Variants in PGCKA1 observed in about 807,000 individuals in gnomAD.
The protein encoded by PGCKA1 is PDCD10 and GCKIII kinases associated 1.
At chr4:37,590,009 C>A in the PGCKA1 span, 10 of 973,266 alleles carry the variant, frequency 1.0e-5, no homozygotes, top group Non-Finnish European at 1.6e-5. Context: ...TAGCAGGAAT[C>A]GTAGAAAGAA....
chr4:37,513,089 CAAAA>C, the PGCKA1 span, among the ~76,000 whole-genome samples: 1 of 71,790 alleles, frequency 1.4e-5, no homozygotes, highest in African/African-American at 6.0e-5. Flanking sequence ...AATGCCATCT[CAAAA>C]AAAAAAAAGA....
the PGCKA1 span, among the ~76,000 whole-genome samples, chr4:37,571,518 G>A: frequency 3.7e-3 from 557 of 150,088 alleles, 3 homozygotes; most frequent in Non-Finnish European, 5.8e-3. Context: ...GCCTGCCACC[G>A]TGCCCAGCTA....
At chr4:37,457,128 A>G in the PGCKA1 span, among the ~76,000 whole-genome samples, 3 of 152,344 alleles carry the variant, frequency 2.0e-5, no homozygotes, top group South Asian at 6.2e-4. Flanking sequence ...CATTTTCAAC[A>G]ACCTAGTGCT....
At chr4:37,491,161 C>G in the PGCKA1 span, among the ~76,000 whole-genome samples, 4 of 152,300 alleles carry the variant, frequency 2.6e-5, no homozygotes, top group East Asian at 7.7e-4. Flanking sequence ...ACTTTCCACT[C>G]TTTGCCTGGT....
the PGCKA1 span, among the ~76,000 whole-genome samples, chr4:37,556,251 T>TTTTTTTTGTTTTGTTTTG: frequency 8.7e-6 from 1 of 114,948 alleles, no homozygotes; most frequent in Non-Finnish European, 1.9e-5. Context: ...TTTCTTTTTC[T>TTTTTTTTGTTTTGTTTTG]TTTTTTTGTT....
the PGCKA1 span, among the ~76,000 whole-genome samples, chr4:37,552,221 T>C: frequency 6.6e-6 from 1 of 152,240 alleles, no homozygotes; most frequent in African/African-American, 2.4e-5. Flanking sequence ...AACTGCCTGC[T>C]GTGTTGTGTT....
At chr4:37,483,764 G>A in the PGCKA1 span, among the ~76,000 whole-genome samples, 1 of 152,240 alleles carries the variant, frequency 6.6e-6, no homozygotes, top group South Asian at 2.1e-4. Context: ...CTAAGTCCAG[G>A]TGAACACCAC....
At chr4:37,471,470 A>G in the PGCKA1 span, among the ~76,000 whole-genome samples, 2 of 152,344 alleles carry the variant, frequency 1.3e-5, no homozygotes, top group Admixed American at 6.5e-5. Context: ...GTATTCTAGA[A>G]TGAATATAAT....
At chr4:37,454,071 A>C in the PGCKA1 span, 2 of 153,278 alleles carry the variant, frequency 1.3e-5, no homozygotes, top group African/African-American at 4.8e-5. Context: ...CGCGCGCGCA[A>C]AGAGGGCTTT....
chr4:37,569,185 C>A, the PGCKA1 span, among the ~76,000 whole-genome samples: 1 of 150,166 alleles, frequency 6.7e-6, no homozygotes, highest in Non-Finnish European at 1.5e-5. Context: ...AAGTGAATTT[C>A]TTTATTTTTA....
chr4:37,459,485 C>T, the PGCKA1 span, among the ~76,000 whole-genome samples: 1 of 152,222 alleles, frequency 6.6e-6, no homozygotes, highest in African/African-American at 2.4e-5. Flanking sequence ...ACAGCTAAAA[C>T]CTAATCAAGA....
chr4:37,553,682 C>T, the PGCKA1 span, among the ~76,000 whole-genome samples: 3 of 152,256 alleles, frequency 2.0e-5, no homozygotes, highest in Non-Finnish European at 4.4e-5. Context: ...AATGAATACA[C>T]GTACATCTTA....
the PGCKA1 span, among the ~76,000 whole-genome samples, chr4:37,457,701 T>A: frequency 2.0e-5 from 3 of 152,198 alleles, no homozygotes; most frequent in Admixed American, 1.3e-4. Context: ...ACAACCTTAG[T>A]CCTCCAGAAT....
At chr4:37,453,357 T>C in the PGCKA1 span, among the ~76,000 whole-genome samples, 2 of 151,904 alleles carry the variant, frequency 1.3e-5, no homozygotes, top group Non-Finnish European at 2.9e-5. Flanking sequence ...TTCATTGAAC[T>C]CCCCCTGGGG....
chr4:37,512,587 G>C, the PGCKA1 span, among the ~76,000 whole-genome samples: 3 of 151,514 alleles, frequency 2.0e-5, no homozygotes, highest in East Asian at 3.9e-4. Context: ...CCGAATAGCT[G>C]GGACTACAGG....
At chr4:37,511,783 T>TG in the PGCKA1 span, among the ~76,000 whole-genome samples, 1 of 152,196 alleles carries the variant, frequency 6.6e-6, no homozygotes, top group Non-Finnish European at 1.5e-5. Context: ...GGTAGGGTAC[T>TG]GGTCAGAGTC....
the PGCKA1 span, among the ~76,000 whole-genome samples, chr4:37,570,323 C>T: frequency 5.2e-3 from 772 of 149,398 alleles, 6 homozygotes; most frequent in African/African-American, 0.019. Flanking sequence ...TTCAAGTTCT[C>T]TAAAATAACA....
At chr4:37,551,348 A>G in the PGCKA1 span, among the ~76,000 whole-genome samples, 1 of 152,174 alleles carries the variant, frequency 6.6e-6, no homozygotes, top group Non-Finnish European at 1.5e-5. Context: ...TAAAAAAATT[A>G]TACAATACTA....
chr4:37,514,957 A>G, the PGCKA1 span, among the ~76,000 whole-genome samples: 1 of 152,204 alleles, frequency 6.6e-6, no homozygotes, highest in Non-Finnish European at 1.5e-5. Flanking sequence ...AGGTGGAAGT[A>G]TGGGCATTTT....
Sources: allele counts gnomAD v4.1 joint callset (sites outside exome capture counted in the v4.1 genomes callset), GRCh38; gene constraint gnomAD v4.1.1; transcripts MANE v1.5; gene names NCBI Gene and HGNC (gene_info 2026-07-23, HGNC 2026-07-21).